Variants in MEMO1 observed in about 807,000 individuals in gnomAD.
MEMO1 encodes the protein mediator of cell motility 1, also known as protein MEMO1.
MEMO1 carries 6 observed loss-of-function variants against 45.2 expected under a neutral mutation model. That is an observed-to-expected ratio of 0.13 (90% CI 0.07 to 0.26). MEMO1 has a LOEUF of 0.26. Ranked by LOEUF, MEMO1 falls within the 10% of genes least tolerant of loss-of-function variation. The pLI, the probability that MEMO1 is intolerant of heterozygous loss-of-function variation, is 1.00. For missense variants in MEMO1, 184 were observed against 370.5 expected (o/e 0.50, Z 4.13); for synonymous variants, 78 against 124.3 (o/e 0.63, Z 2.48).
chr2:31,932,048 A>C lies in MEMO1; in HGVS notation c.212+19T>G. ...AATTCTCAAGCTTCTCCGACTTAAA[A>C]CAAAACTACATTACTTACGTAATAG... On this transcript the variant is annotated intron_variant, in intron 4 of 9. Coordinates refer to ENST00000404530, the MANE Select transcript of MEMO1 (RefSeq NM_001301833.4). The C allele has an allele frequency of 6.2e-7, 1 of 1,606,306 alleles. No individual in the cohort carries two copies. Among genetic ancestry groups the C allele is most frequent in the Non-Finnish European group, 8.5e-7 (1 of 1,176,366 alleles).
At chr2:31,976,277 C>G (rs751416609) in intron 2 of MEMO1, among the ~76,000 whole-genome samples, 3 of 152,092 alleles carry the variant, frequency 2.0e-5, no homozygotes, top group Non-Finnish European at 2.9e-5. Context: ...TAATTCAGAA[C>G]TATAAAGAAT....
intron 2 of MEMO1, among the ~76,000 whole-genome samples, chr2:31,983,238 G>C (rs945153473): frequency 2.6e-5 from 4 of 152,074 alleles, no homozygotes; most frequent in Non-Finnish European, 5.9e-5. Flanking sequence ...TCCAGCCTGG[G>C]CAACAGAGCA....
intron 2 of MEMO1, among the ~76,000 whole-genome samples, chr2:31,980,562 C>T (rs889744241): frequency 2.0e-5 from 3 of 151,964 alleles, no homozygotes; most frequent in Non-Finnish European, 4.4e-5. Flanking sequence ...TTTCACATGG[C>T]TTCCTATCAT....
intron 6 of MEMO1, among the ~76,000 whole-genome samples, chr2:31,917,143 T>G (rs1204564118): frequency 6.6e-6 from 1 of 152,172 alleles, no homozygotes; most frequent in Non-Finnish European, 1.5e-5. Flanking sequence ...TGTACTTTAC[T>G]AATATAATGA....
chr2:32,002,297 A>G (rs1297982894), intron 2 of MEMO1, among the ~76,000 whole-genome samples: 1 of 148,552 alleles, frequency 6.7e-6, no homozygotes, highest in Non-Finnish European at 1.5e-5. Flanking sequence ...ATATACATAT[A>G]CATATACATA....
intron 2 of MEMO1, among the ~76,000 whole-genome samples, chr2:31,955,111 G>A (rs955273137): frequency 5.3e-5 from 8 of 151,838 alleles, no homozygotes; most frequent in African/African-American, 1.7e-4. Context: ...GTGTGGTGGC[G>A]CATGCCTGTA....
chr2:31,876,425 C>T (rs1674571833), intron 8 of MEMO1, among the ~76,000 whole-genome samples: 1 of 152,294 alleles, frequency 6.6e-6, no homozygotes, highest in South Asian at 2.1e-4. Flanking sequence ...ATTTTCTGCA[C>T]ACATTCCTAC....
intron 8 of MEMO1, among the ~76,000 whole-genome samples, chr2:31,882,376 A>G (rs556371752): frequency 1.3e-5 from 2 of 152,278 alleles, no homozygotes; most frequent in African/African-American, 4.8e-5. Context: ...GGGAAATGCA[A>G]ATCAAAACAA....
chr2:31,929,091 G>C (rs1162038022), intron 4 of MEMO1, among the ~76,000 whole-genome samples: 2 of 151,968 alleles, frequency 1.3e-5, no homozygotes, highest in African/African-American at 4.8e-5. Context: ...CCATAATCTA[G>C]CCAGTTCTGG....
At chr2:31,989,762 C>T (rs1671715165) in intron 2 of MEMO1, among the ~76,000 whole-genome samples, 1 of 152,142 alleles carries the variant, frequency 6.6e-6, no homozygotes, top group Non-Finnish European at 1.5e-5. Context: ...AAAGGAACTA[C>T]CGCATGTAGA....
At chr2:31,991,310 C>T (rs570970076) in intron 2 of MEMO1, among the ~76,000 whole-genome samples, 1 of 152,118 alleles carries the variant, frequency 6.6e-6, no homozygotes, top group Non-Finnish European at 1.5e-5. Context: ...CGGTGGCTCA[C>T]CCCTGTAATC....
intron 4 of MEMO1, among the ~76,000 whole-genome samples, chr2:31,922,995 T>C (rs997093609): frequency 3.3e-5 from 5 of 152,100 alleles, no homozygotes; most frequent in Admixed American, 2.0e-4. Context: ...TACCCAATAA[T>C]GGGACTGCGG....
chr2:31,953,290 C>T (rs1224494189), intron 2 of MEMO1, among the ~76,000 whole-genome samples: 1 of 150,298 alleles, frequency 6.7e-6, no homozygotes, highest in Admixed American at 6.6e-5. Context: ...TCGCTGGAAC[C>T]CAGGAGGCAG....
At chr2:31,948,286 GA>G (rs1377362284) in intron 2 of MEMO1, among the ~76,000 whole-genome samples, 1 of 152,194 alleles carries the variant, frequency 6.6e-6, no homozygotes, top group Admixed American at 6.5e-5. Flanking sequence ...TAGTGTTGCT[GA>G]AACTATTCTA....
intron 2 of MEMO1, among the ~76,000 whole-genome samples, chr2:31,991,014 G>T (rs1184308318): frequency 1.3e-5 from 2 of 152,056 alleles, no homozygotes; most frequent in Non-Finnish European, 2.9e-5. Context: ...GCAAAATAAT[G>T]ACTATGTTAT....
chr2:31,908,601 A>C (rs551276171), intron 6 of MEMO1, among the ~76,000 whole-genome samples: 128 of 152,296 alleles, frequency 8.4e-4, no homozygotes, highest in African/African-American at 3.0e-3. Context: ...TTAAAGGGTA[A>C]TGAACTAATT....
At chr2:31,902,253 C>A (rs1294242263) in intron 6 of MEMO1, among the ~76,000 whole-genome samples, 1 of 152,006 alleles carries the variant, frequency 6.6e-6, no homozygotes, top group African/African-American at 2.4e-5. Context: ...CCCACCTCTA[C>A]TAAAAATAGT....
chr2:31,898,639 G>T (rs1251319733), intron 6 of MEMO1, among the ~76,000 whole-genome samples: 1 of 152,094 alleles, frequency 6.6e-6, no homozygotes, highest in Non-Finnish European at 1.5e-5. Flanking sequence ...CAATTATGTG[G>T]TCAATTTTAG....
intron 7 of MEMO1, among the ~76,000 whole-genome samples, chr2:31,886,567 T>A (rs879638368): frequency 5.3e-5 from 8 of 152,092 alleles, no homozygotes; most frequent in Non-Finnish European, 8.8e-5. Flanking sequence ...TGATCATAAA[T>A]ACACCTTTAA....
Sources: allele counts gnomAD v4.1 joint callset (sites outside exome capture counted in the v4.1 genomes callset), GRCh38; gene constraint gnomAD v4.1.1; transcripts MANE v1.5; gene names NCBI Gene and HGNC (gene_info 2026-07-23, HGNC 2026-07-21).